Variants in ANXA13 observed in about 807,000 individuals in gnomAD.
ANXA13 encodes annexin XIII.
ANXA13 carries 36 observed loss-of-function variants against 46.6 expected under a neutral mutation model. The observed-to-expected ratio is 0.77, with a 90% CI of 0.59 to 1.02. The LOEUF is 1.02. Among genes scored for constraint, ANXA13 ranks in the 50% least tolerant of loss-of-function variants. ANXA13 has a pLI of 0.00. For missense variants in ANXA13, 417 were observed against 396.5 expected (o/e 1.05, Z -0.44); for synonymous variants, 163 against 152.9 (o/e 1.07, Z -0.49).
At chr8:123,725,235 AAT>A (rs1387948966) in intron 1 of ANXA13, among the ~76,000 whole-genome samples, 1 of 152,236 alleles carries the variant, frequency 6.6e-6, no homozygotes, top group African/African-American at 2.4e-5. Flanking sequence ...TTAATAGAAT[AAT>A]TAGTAGAAGA....
chr8:123,733,418 G>T (rs1814165265), intron 1 of ANXA13, among the ~76,000 whole-genome samples: 1 of 152,026 alleles, frequency 6.6e-6, no homozygotes, highest in Non-Finnish European at 1.5e-5. Context: ...CAGGAATCTG[G>T]ATCTATTTCC....
chr8:123,688,285 C>T (rs1813175063), intron 9 of ANXA13, among the ~76,000 whole-genome samples: 1 of 152,174 alleles, frequency 6.6e-6, no homozygotes, highest in South Asian at 2.1e-4. Flanking sequence ...TCCTCTTTCG[C>T]TTGGGTCTTA....
At chr8:123,699,450 G>A (rs1266137840) in intron 3 of ANXA13, among the ~76,000 whole-genome samples, 5 of 152,188 alleles carry the variant, frequency 3.3e-5, no homozygotes, top group Non-Finnish European at 5.9e-5. Flanking sequence ...TCAAAGTGCT[G>A]GGATTATAGG....
chr8:123,702,757 A>T (rs768541358), intron 2 of ANXA13, 21 bp from the exon 3 acceptor site: 1 of 1,597,290 alleles, frequency 6.3e-7, no homozygotes, highest in Non-Finnish European at 8.6e-7. Context: ...GGAGAAACAA[A>T]CAAAGCCACA....
At position 123,702,755 on chromosome 8, in the gene ANXA13, A is replaced by T; in HGVS notation, c.92-19T>A. ...TTGGTCCCTAAAATACAGGAGAAAC[A>T]AACAAAGCCACAGTGAATAAGAAAC... On this transcript the variant is annotated intron_variant, in intron 2 of 10. Transcript: ENST00000419625. 1.2e-6 allele frequency: 2 copies of T among 1,600,732 alleles called. No homozygotes were observed. The highest frequency in any genetic ancestry group is 1.7e-6 in the Non-Finnish European group (2 of 1,167,778).
intron 2 of ANXA13, among the ~76,000 whole-genome samples, chr8:123,706,821 T>G (rs1432483039): frequency 6.6e-6 from 1 of 152,214 alleles, no homozygotes; most frequent in Non-Finnish European, 1.5e-5. Flanking sequence ...CTACCTGTCC[T>G]CTCCCAGGCT....
At chr8:123,687,709 G>T (rs1813166179) in intron 9 of ANXA13, among the ~76,000 whole-genome samples, 1 of 152,166 alleles carries the variant, frequency 6.6e-6, no homozygotes, top group South Asian at 2.1e-4. Flanking sequence ...TGCTTATTTG[G>T]TTCTTCCTCT....
intron 10 of ANXA13, among the ~76,000 whole-genome samples, chr8:123,682,547 G>A (rs1390978989): frequency 6.6e-6 from 1 of 152,216 alleles, no homozygotes; most frequent in Non-Finnish European, 1.5e-5. Flanking sequence ...AGCTGAGACA[G>A]TGAGAGAAAT....
At chr8:123,727,548 C>T (rs757038904) in intron 1 of ANXA13, 3 of 151,696 alleles carry the variant, frequency 2.0e-5, no homozygotes, top group East Asian at 1.9e-4. Context: ...TCAGTTGGCA[C>T]GAGTAGGGGA....
chr8:123,693,123 AT>A lies in ANXA13; in HGVS notation c.642+73del, dbSNP rs1253011447. 2.2e-6 allele frequency: 3 copies of A among 1,343,086 alleles called. No individual in the cohort carries two copies. The East Asian group carries it at 6.9e-5, about 31-fold the overall frequency. 83.2% of individuals were successfully genotyped at this position (1,343,086 alleles called of 1,614,324 possible). ...AAGGATCCCCAATTCCTTATTGCAGATCTTGGCTTCTTTTGGAAATAACTTA... is the reference window on the plus strand; with the variant it reads ...AAGGATCCCCAATTCCTTATTGCAGACTTGGCTTCTTTTGGAAATAACTTA... On this transcript the variant is annotated intron_variant, in intron 8 of 10. Transcript: ENST00000419625.
intron 10 of ANXA13, among the ~76,000 whole-genome samples, chr8:123,682,255 C>A (rs1222909845): frequency 6.6e-6 from 1 of 152,024 alleles, no homozygotes; most frequent in Admixed American, 6.6e-5. Context: ...CTTGAAAAAC[C>A]CAGGTGCTAG....
intron 10 of ANXA13, among the ~76,000 whole-genome samples, chr8:123,684,071 G>A (rs1246235956): frequency 6.6e-6 from 1 of 152,138 alleles, no homozygotes. Flanking sequence ...TATTATCTCT[G>A]GTGTTAACAT....
At chr8:123,695,159 G>A (rs1274223319) in intron 6 of ANXA13, among the ~76,000 whole-genome samples, 1 of 151,978 alleles carries the variant, frequency 6.6e-6, no homozygotes, top group Non-Finnish European at 1.5e-5. Context: ...TTGCTTCTGG[G>A]CTGTCTCTTA....
At chr8:123,736,867 G>A (rs11986633) in intron 1 of ANXA13, among the ~76,000 whole-genome samples, 10,701 of 51,712 alleles carry the variant, frequency 0.21, 1,457 homozygotes, top group African/African-American at 0.45. Flanking sequence ...TTTTTTTTTG[G>A]GACGGAGTTT....
chr8:123,722,433 A>G (rs1813901539), intron 1 of ANXA13, among the ~76,000 whole-genome samples: 1 of 152,226 alleles, frequency 6.6e-6, no homozygotes, highest in South Asian at 2.1e-4. Context: ...AGTCTTTTAC[A>G]GAAACACTAG....
intron 1 of ANXA13, among the ~76,000 whole-genome samples, chr8:123,723,139 G>A (rs1813917739): frequency 6.6e-6 from 1 of 152,170 alleles, no homozygotes; most frequent in Non-Finnish European, 1.5e-5. Context: ...CTATGCAAAT[G>A]GATTGCTGAG....
At chr8:123,730,102 C>T (rs1017862166) in intron 1 of ANXA13, among the ~76,000 whole-genome samples, 3 of 152,118 alleles carry the variant, frequency 2.0e-5, no homozygotes, top group Non-Finnish European at 4.4e-5. Context: ...CTATTTTAGC[C>T]GATGAGGGTG....
At chr8:123,722,067 G>T (rs1349681616) in intron 1 of ANXA13, among the ~76,000 whole-genome samples, 1 of 152,186 alleles carries the variant, frequency 6.6e-6, no homozygotes, top group Admixed American at 6.5e-5. Context: ...CACTTTGGGA[G>T]GCCAAGGCGG....
chr8:123,701,908 G>C (rs1813453806), intron 3 of ANXA13, among the ~76,000 whole-genome samples: 1 of 152,196 alleles, frequency 6.6e-6, no homozygotes, highest in African/African-American at 2.4e-5. Context: ...TCCATGAAAA[G>C]ACCAAGGCCT....
Sources: allele counts gnomAD v4.1 joint callset (sites outside exome capture counted in the v4.1 genomes callset), GRCh38; gene constraint gnomAD v4.1.1; transcripts MANE v1.5; gene names NCBI Gene and HGNC (gene_info 2026-07-23, HGNC 2026-07-21).